The following CRLF1 variants were observed in gnomAD, a reference collection of about 807,000 sequenced individuals.
The protein encoded by CRLF1 is cytokine receptor like factor 1, also known as cytokine receptor-like factor 1.
Under a neutral mutation model 48.9 loss-of-function variants are expected in CRLF1, and 36 were observed. That is an observed-to-expected ratio of 0.74 (90% CI 0.56 to 0.97). The LOEUF (loss-of-function observed/expected upper bound fraction) is 0.97, where lower values mean the gene tolerates loss of function less well. CRLF1 is among the 50% of genes least tolerant of loss of function. The pLI is 0.00. For missense variants in CRLF1, 534 were observed against 575.1 expected, an observed-to-expected ratio of 0.93 and a Z score of 0.73; for synonymous variants, 256 against 253.4, an observed-to-expected ratio of 1.01 and a Z score of -0.10.
At chr19:18,602,215 G>A (rs1352540855) in intron 1 of CRLF1, among the ~76,000 whole-genome samples, 1 of 152,180 alleles carries the variant, frequency 6.6e-6, no homozygotes, top group Non-Finnish European at 1.5e-5. Flanking sequence ...TGTCCATAGG[G>A]AAACCAAGGC....
chr19:18,597,622 G>T (rs762308477), intron 4 of CRLF1, among the ~76,000 whole-genome samples: 3 of 151,848 alleles, frequency 2.0e-5, no homozygotes, highest in Non-Finnish European at 2.9e-5. Context: ...AGTAGAGACG[G>T]GGTTTCACCG....
Position 18,593,573 on chromosome 19 carries a change from G to A in CRLF1, c.1262C>T (p.Ala421Val). The A allele has an allele frequency of 6.2e-7, 1 of 1,608,996 alleles. No individual in the cohort carries two copies. Among genetic ancestry groups the A allele is most frequent in the Non-Finnish European group, 8.5e-7 (1 of 1,178,146 alleles). The change falls in exon 9 of 9, where the codon GCC (alanine) becomes GTC (valine). Residue 421 changes from alanine to valine, a missense_variant. Physicochemically the swap from Ala to Val is moderately conservative, Grantham distance 64. Around this residue, in one of 2 missense-constraint regions of CRLF1, gnomAD observed 528 missense variants for 555.7 expected, o/e 0.95. Transcript: ENST00000392386. ...SGRRGTARGPAR is the reference protein window; with the variant it reads ...SGRRGTARGPVR The stretch of plus-strand genomic sequence containing the variant: ...GGCCTGAGCCCCTACAGCTTATCTG[G>A]CAGGACCTGCAGGCAGAGGGGAAGC...
At chr19:18,602,536 G>A (rs926349165) in intron 1 of CRLF1, among the ~76,000 whole-genome samples, 5 of 151,826 alleles carry the variant, frequency 3.3e-5, no homozygotes, top group African/African-American at 1.2e-4. Flanking sequence ...GAGGATCGCT[G>A]GAGCCCGGGA....
chr19:18,594,032 T>TGGGCCACC, intron 8 of CRLF1, 33 bp downstream of exon 8: 3 of 695,814 alleles, frequency 4.3e-6, no homozygotes, highest in Non-Finnish European at 6.6e-6. Context: ...CTCCCCTTGC[T>TGGGCCACC]CCCTCCCGCC....
chr19:18,596,532 G>GA (rs889401595), intron 6 of CRLF1, 90 bp downstream of exon 6: 16,284 of 1,241,458 alleles, frequency 0.013, no homozygotes, highest in Non-Finnish European at 0.015. Context: ...TGTCTCAAAA[G>GA]AAAAAAAAAA....
chr19:18,601,231 G>C (rs1976216474), intron 1 of CRLF1, among the ~76,000 whole-genome samples: 1 of 151,842 alleles, frequency 6.6e-6, no homozygotes, highest in Non-Finnish European at 1.5e-5. Context: ...GAAGGGCACT[G>C]CTTAAAATGA....
In CRLF1 at chr19:18,606,061, C is replaced by T. The variant is rs1188294911; in HGVS notation, c.115+481G>A. Among the ~76,000 whole-genome samples the T allele has an allele frequency of 6.6e-6, 1 of 151,576 alleles. No homozygotes were observed. Among genetic ancestry groups the T allele is most frequent in the Non-Finnish European group, 1.5e-5 (1 of 67,806 alleles). On this transcript the variant is annotated intron_variant, in intron 1 of 8. Transcript: ENST00000392386. The surrounding 1 kb of genome is among the most constrained non-coding windows in gnomAD (Gnocchi z 4.8). ...GTCCCCCGGGACCCCGGGCTGCGCG[C>T]CAGGCGGCCAGAGCGGCCCCCCTGC...
intron 8 of CRLF1, 36 bp downstream of exon 8, chr19:18,594,029 T>TGGTGGGGG: frequency 7.3e-7 from 1 of 1,366,648 alleles, no homozygotes. Context: ...GCCCTCCCCT[T>TGGTGGGGG]GCTCCCTCCC....
chr19:18,597,679 G>A lies in CRLF1; in HGVS notation c.698-630C>T, dbSNP rs1318821844. On this transcript the variant is annotated intron_variant, in intron 4 of 8. Coordinates refer to ENST00000392386, the MANE Select transcript of CRLF1 (RefSeq NM_004750.5). ...GATCTCCTGACCTCGTGATCCGCCCGCCTCGGCCTCCCAAAGTGCTGGGAT... is the reference window on the plus strand; with the variant it reads ...GATCTCCTGACCTCGTGATCCGCCCACCTCGGCCTCCCAAAGTGCTGGGAT... Among the ~76,000 whole-genome samples the A allele has an allele frequency of 3.3e-5, 5 of 152,018 alleles. No individual in the cohort carries two copies. In the South Asian group the frequency reaches 6.2e-4, roughly 19 times the overall value.
At chr19:18,594,032 T>TACC in intron 8 of CRLF1, 33 bp downstream of exon 8, 2 of 695,814 alleles carry the variant, frequency 2.9e-6, no homozygotes, top group South Asian at 1.8e-5. Context: ...CTCCCCTTGC[T>TACC]CCCTCCCGCC....
At position 18,596,985 on chromosome 19, in the gene CRLF1, G is replaced by T. The variant is rs780915776; in HGVS notation, c.762C>A (p.Ser254Arg). The change falls in exon 5 of 9, where the codon AGC becomes AGA. Residue 254 changes from serine (S) to arginine (R), a missense_variant. Physicochemically the swap from Ser to Arg is moderately radical, Grantham distance 110. Coordinates refer to ENST00000392386, the MANE Select transcript of CRLF1 (RefSeq NM_004750.5). ...SRVGGLEDQL[S>R]VRWVSPPALK... ...GGGCGGGTGGCGACACCCAGCGCAC[G>T]CTCAGCTGGTCCTCCAGGCCCCCGA... 1.2e-6 allele frequency: 2 copies of T among 1,613,816 alleles called. No individual in the cohort carries two copies. Among genetic ancestry groups the T allele is most frequent in the Non-Finnish European group, 1.7e-6 (2 of 1,179,986 alleles).
chr19:18,606,780 G>A lies in CRLF1; in HGVS notation c.-124C>T, dbSNP rs1266386552. ...CGCCCGCACGTCGCTGGGCGCGGAC[G>A]CGGAGGCCGGAGCAAGTCTGAGCAG... On this transcript the variant is annotated 5_prime_UTR_variant, in exon 1 of 9. Transcript: ENST00000392386. This position sits in a 1 kb window ranked among gnomAD's most constrained non-coding sequence, Gnocchi z 4.8. 1.4e-5 allele frequency: 2 copies of A among 145,754 alleles called. No individual in the cohort carries two copies. The highest frequency in any genetic ancestry group is 1.4e-4 in the Admixed American group (2 of 14,682). 9.0% of individuals were successfully genotyped at this position (145,754 alleles called of 1,614,324 possible). A position where few individuals can be genotyped will look rare whatever the true frequency, so the allele number is the denominator to read the frequency against.
intron 6 of CRLF1, 74 bp downstream of exon 6, chr19:18,596,548 G>T: frequency 2.6e-6 from 4 of 1,540,218 alleles, no homozygotes; most frequent in Non-Finnish European, 3.5e-6. Context: ...AAAAAGAAAA[G>T]AAAACAAGGA....
At chr19:18,594,029 T>TTCGGGGGGG in intron 8 of CRLF1, 36 bp downstream of exon 8, 6 of 1,366,624 alleles carry the variant, frequency 4.4e-6, no homozygotes, top group East Asian at 2.5e-5. Context: ...GCCCTCCCCT[T>TTCGGGGGGG]GCTCCCTCCC....
rs1188696723 is a variant in CRLF1 at position 18,599,649 on chromosome 19, C to A, written c.313G>T (p.Gly105Trp). The A allele has an allele frequency of 6.2e-7, 1 of 1,613,422 alleles. No homozygotes were observed. The highest frequency in any genetic ancestry group is 1.3e-5 in the African/African-American group (1 of 74,952). Residue 105 changes from glycine to tryptophan, a missense_variant, in exon 2 of 9, where the codon GGG (glycine) becomes TGG (tryptophan). Physicochemically the swap from Gly to Trp is radical, Grantham distance 184 (BLOSUM62 -2). Transcript: ENST00000392386. ...TLALALANLN[G>W]SRQRSGDNLV... is the part of the protein sequence containing the mutation. Reference sequence around the variant, plus strand: ...TTGTCCCCCGACCGCTGCCTGGACCCATTGAGGTTGGCCAGGGCCAGAGCC... The same window carrying A: ...TTGTCCCCCGACCGCTGCCTGGACCAATTGAGGTTGGCCAGGGCCAGAGCC...
chr19:18,596,464 C>T (rs1031266610), intron 6 of CRLF1, among the ~76,000 whole-genome samples, 158 bp downstream of exon 6: 1 of 151,998 alleles, frequency 6.6e-6, no homozygotes, highest in South Asian at 2.1e-4. Context: ...CGCTTGAAAC[C>T]GGGAGGCAGA....
chr19:18,603,103 C>T (rs910830546), intron 1 of CRLF1, among the ~76,000 whole-genome samples: 1 of 152,254 alleles, frequency 6.6e-6, no homozygotes, highest in Non-Finnish European at 1.5e-5. Context: ...TTCGTTCACG[C>T]GTTCATCTAT....
Position 18,594,001 on chromosome 19 carries a change from C to T in CRLF1, c.1255+64G>A. ...GGAGGCGTGGGGGTGTGAACAAGACCTGCAGCCACCGGAAGGGGCCCTCCC... is the reference window on the plus strand; with the variant it reads ...GGAGGCGTGGGGGTGTGAACAAGACTTGCAGCCACCGGAAGGGGCCCTCCC... On this transcript the variant is annotated intron_variant, in intron 8 of 8. Coordinates refer to ENST00000392386, the MANE Select transcript of CRLF1 (RefSeq NM_004750.5). 3 of 1,537,194 alleles carry T rather than the reference C, an allele frequency of 2.0e-6. No homozygotes were observed. In the South Asian group the frequency reaches 3.6e-5, roughly 18 times the overall value.
At chr19:18,594,032 T>TTGGCCACCCCCCC in intron 8 of CRLF1, 33 bp downstream of exon 8, 1 of 695,814 alleles carries the variant, frequency 1.4e-6, no homozygotes, top group Non-Finnish European at 2.2e-6. Context: ...CTCCCCTTGC[T>TTGGCCACCCCCCC]CCCTCCCGCC....
Sources: gnomAD v4.1 joint callset for allele counts (sites outside exome capture counted in the v4.1 genomes callset) on GRCh38, gnomAD v4.1.1 for gene constraint, gnomAD v4.1.1 regional missense constraint, Gnocchi (gnomAD v3.1) non-coding constraint, MANE v1.5 for transcripts, NCBI Gene and HGNC (gene_info 2026-07-23, HGNC 2026-07-21) for gene names.